Variants in DEPDC4 observed in about 807,000 individuals in gnomAD.
The protein encoded by DEPDC4 is DEP domain-containing protein 4.
A neutral mutation model predicts 52.0 loss-of-function variants in DEPDC4; 52 were observed. The ratio of observed to expected loss-of-function variants is 1.00; its 90% confidence interval spans 0.80 to 1.26. The LOEUF is 1.26. Ranked by LOEUF, DEPDC4 falls within the 50% of genes most tolerant of loss-of-function variation. The probability of loss-of-function intolerance (pLI) is 0.00; values close to 1 mark genes in which losing one functional copy is unlikely to be tolerated. For missense variants in DEPDC4, 530 were observed against 546.9 expected, an observed-to-expected ratio of 0.97 and a Z score of 0.31; for synonymous variants, 201 against 196.8, an observed-to-expected ratio of 1.02 and a Z score of -0.18.
At chr12:100,236,519 G>A (rs777078506), downstream of DEPDC4, among the ~76,000 whole-genome samples, 5 of 151,930 alleles carry the variant, frequency 3.3e-5, no homozygotes, top group African/African-American at 4.8e-5. Context: ...CATGTCCTTA[G>A]CCCACTTTTT....
At chr12:100,273,351 A>G in the DEPDC4 span, among the ~76,000 whole-genome samples, 7 of 152,212 alleles carry the variant, frequency 4.6e-5, 1 homozygote, top group East Asian at 1.3e-3. Context: ...TTTTGTTCCT[A>G]TAACACTGTG....
intron 7 of DEPDC4, 40 bp downstream of exon 7, chr12:100,252,136 G>A (rs780565411): frequency 5.3e-5 from 60 of 1,127,826 alleles, no homozygotes; most frequent in Non-Finnish European, 6.1e-5. Flanking sequence ...GACACAAGTA[G>A]CTTAGTAATA....
intron 8 of DEPDC4, among the ~76,000 whole-genome samples, chr12:100,244,633 T>G (rs1197115070): frequency 1.3e-5 from 2 of 151,552 alleles, no homozygotes; most frequent in African/African-American, 4.9e-5. Flanking sequence ...AGTTTTTTAT[T>G]TCTATTTTTG....
At chr12:100,234,866 G>A (rs1178103533) in intron 9 of DEPDC4, among the ~76,000 whole-genome samples, 2 of 152,118 alleles carry the variant, frequency 1.3e-5, no homozygotes, top group African/African-American at 4.8e-5. Flanking sequence ...TTCTTTTTAA[G>A]CCTAATAACT....
At chr12:100,279,061 C>T in the DEPDC4 span, among the ~76,000 whole-genome samples, 1 of 152,046 alleles carries the variant, frequency 6.6e-6, no homozygotes, top group East Asian at 1.9e-4. Context: ...TGTGTTTATC[C>T]TGTGTGTGGT....
At chr12:100,280,192 G>A in the DEPDC4 span, among the ~76,000 whole-genome samples, 6,316 of 152,190 alleles carry the variant, frequency 0.042, 474 homozygotes, top group African/African-American at 0.14. Context: ...CAAGAGGGCA[G>A]ATTCACTCTT....
rs555599193 is a variant in DEPDC4, at chr12:100,266,099, A to G, written c.157+821T>C. The stretch of plus-strand genomic sequence containing the variant: ...TTAAATTTAATTAAAATTAATTAAA[A>G]AAATTAAAGAATGATAAGGGAATAA... On this transcript the variant is annotated intron_variant, in intron 1 of 9. Transcript: ENST00000550587. Among the ~76,000 whole-genome samples the G allele has an allele frequency of 2.0e-5, 3 of 152,278 alleles. No individual in the cohort carries two copies. In the East Asian group the frequency reaches 5.8e-4, roughly 29 times the overall value.
intron 4 of DEPDC4, among the ~76,000 whole-genome samples, chr12:100,255,044 T>G (rs2096226533): frequency 6.6e-6 from 1 of 152,236 alleles, no homozygotes; most frequent in South Asian, 2.1e-4. Context: ...TTTTTTCTCC[T>G]GACAGATGAA....
chr12:100,253,394 A>C (rs1736004473), intron 5 of DEPDC4, 95 bp downstream of exon 5: 2 of 430,664 alleles, frequency 4.6e-6, no homozygotes, highest in Non-Finnish European at 7.9e-6. Flanking sequence ...ATTAAAATGT[A>C]ATACTCATAT....
the DEPDC4 span, among the ~76,000 whole-genome samples, chr12:100,277,039 C>T: frequency 6.6e-6 from 1 of 151,970 alleles, no homozygotes; most frequent in East Asian, 1.9e-4. Context: ...CATATATTTG[C>T]AGTTTTTCTA....
chr12:100,274,249 A>G, the DEPDC4 span, among the ~76,000 whole-genome samples: 1 of 152,340 alleles, frequency 6.6e-6, no homozygotes, highest in Admixed American at 6.5e-5. Context: ...TTGCTTGTGT[A>G]TCCAATAATT....
At chr12:100,269,501 A>T (rs1229681426), upstream of DEPDC4, among the ~76,000 whole-genome samples, 1 of 152,062 alleles carries the variant, frequency 6.6e-6, no homozygotes, top group Non-Finnish European at 1.5e-5. Flanking sequence ...GTAAGTGCTG[A>T]ATGTTTATTA....
intron 9 of DEPDC4, among the ~76,000 whole-genome samples, chr12:100,233,345 C>G (rs2096137112): frequency 6.6e-6 from 1 of 152,168 alleles, no homozygotes; most frequent in Non-Finnish European, 1.5e-5. Context: ...GCAACCCAGT[C>G]CCTTTAAACA....
chr12:100,247,771 T>C (rs981478210), intron 8 of DEPDC4, among the ~76,000 whole-genome samples: 2 of 152,220 alleles, frequency 1.3e-5, no homozygotes, highest in African/African-American at 2.4e-5. Context: ...ATACTCCGTA[T>C]TCAAAGAAGA....
chr12:100,250,240 G>T (rs1489845198), intron 7 of DEPDC4, among the ~76,000 whole-genome samples: 2 of 152,066 alleles, frequency 1.3e-5, no homozygotes, highest in African/African-American at 4.8e-5. Context: ...TTTTTAGATG[G>T]AGTCTTGTGC....
At chr12:100,249,154 T>C (rs1243257989) in intron 7 of DEPDC4, among the ~76,000 whole-genome samples, 176 bp from the exon 8 acceptor site, 3 of 152,206 alleles carry the variant, frequency 2.0e-5, no homozygotes, top group African/African-American at 7.2e-5. Context: ...TGAAATTTTT[T>C]TAGCACTCTT....
intron 1 of DEPDC4, among the ~76,000 whole-genome samples, chr12:100,265,870 C>A (rs1334647226): frequency 1.3e-5 from 2 of 152,060 alleles, no homozygotes; most frequent in Non-Finnish European, 1.5e-5. Context: ...AAACGAGTAA[C>A]CTTGGGGAAG....
chr12:100,257,812 A>T (rs1229929450), intron 3 of DEPDC4: 2 of 152,276 alleles, frequency 1.3e-5, no homozygotes, highest in Non-Finnish European at 2.9e-5. Flanking sequence ...TTATTTAACA[A>T]AACTACAAAA....
chr12:100,255,556 A>C (rs777295185), intron 4 of DEPDC4, among the ~76,000 whole-genome samples: 41 of 152,350 alleles, frequency 2.7e-4, no homozygotes, highest in Non-Finnish European at 4.9e-4. Flanking sequence ...TTTATTCAGA[A>C]GTGAGAAATA....
Sources: allele counts gnomAD v4.1 joint callset (sites outside exome capture counted in the v4.1 genomes callset), GRCh38; gene constraint gnomAD v4.1.1; transcripts MANE v1.5; gene names NCBI Gene and HGNC (gene_info 2026-07-23, HGNC 2026-07-21).